FGD4: variants seen among roughly 807,000 people sequenced by gnomAD.
The protein encoded by FGD4 is FYVE, RhoGEF and PH domain-containing protein 4.
In FGD4, 42 loss-of-function variants were observed where a neutral mutation model predicts 102.0. The ratio of observed to expected loss-of-function variants is 0.41; its 90% CI spans 0.32 to 0.53. The LOEUF is 0.53. FGD4 is among the 20% of genes least tolerant of loss of function. The probability of loss-of-function intolerance (pLI) is 0.21; values close to 1 mark genes in which losing one functional copy is unlikely to be tolerated. For synonymous variants in FGD4, 380 were observed against 375.7 expected, an observed-to-expected ratio of 1.01 and a Z score of -0.13; for missense variants, 902 against 1,078.2, an observed-to-expected ratio of 0.84 and a Z score of 2.29.
intron 1 of FGD4, among the ~76,000 whole-genome samples, chr12:32,478,044 A>G (rs1409365185): frequency 6.6e-6 from 1 of 152,202 alleles, no homozygotes. Flanking sequence ...TGTTTAGAAA[A>G]AAAATATCAA....
chr12:32,572,494 T>C (rs1945754635), intron 2 of FGD4, among the ~76,000 whole-genome samples: 1 of 152,104 alleles, frequency 6.6e-6, no homozygotes, highest in African/African-American at 2.4e-5. Flanking sequence ...GGGAAAAAAA[T>C]CTAAATAAAT....
rs375196207 is a variant in FGD4 at position 32,524,257 on chromosome 12, G to A, written c.167-39880G>A. ...TAAAAATACAAAAAATTAGTCGGGCGTGGTGGCGTCAGTCCGTAGTCCCAG... is the reference window on the plus strand; with the variant it reads ...TAAAAATACAAAAAATTAGTCGGGCATGGTGGCGTCAGTCCGTAGTCCCAG... On this transcript the variant is annotated intron_variant, in intron 1 of 16. Transcript: ENST00000534526. Among the ~76,000 whole-genome samples the A allele has an allele frequency of 1.2e-4, 18 of 151,590 alleles. No homozygotes were observed. In the East Asian group the frequency reaches 3.4e-3, roughly 28 times the overall value.
chr12:32,474,309 A>G (rs1203541821), intron 1 of FGD4, among the ~76,000 whole-genome samples: 1 of 152,238 alleles, frequency 6.6e-6, no homozygotes, highest in African/African-American at 2.4e-5. Context: ...ATGAATGTTT[A>G]TAGTTGCAAT....
chr12:32,581,402 G>T (rs1420837598), intron 3 of FGD4, among the ~76,000 whole-genome samples: 1 of 152,092 alleles, frequency 6.6e-6, no homozygotes, highest in Admixed American at 6.5e-5. Flanking sequence ...GATCAGAGTG[G>T]AAACAAAGAG....
At chr12:32,400,653 T>C (rs1940623289) in intron 1 of FGD4, among the ~76,000 whole-genome samples, 1 of 152,150 alleles carries the variant, frequency 6.6e-6, no homozygotes, top group African/African-American at 2.4e-5. Context: ...TGTTCTCTTC[T>C]CCCCAGGCGA....
chr12:32,452,546 T>C (rs1011136630), intron 1 of FGD4, among the ~76,000 whole-genome samples: 2 of 152,248 alleles, frequency 1.3e-5, no homozygotes, highest in Non-Finnish European at 2.9e-5. Context: ...TACAACTGGC[T>C]GAATTGGTTA....
chr12:32,498,033 C>T (rs1372865105), intron 1 of FGD4, among the ~76,000 whole-genome samples: 1 of 152,098 alleles, frequency 6.6e-6, no homozygotes, highest in African/African-American at 2.4e-5. Flanking sequence ...AGCACAGGAC[C>T]AGACAGAGTA....
chr12:32,456,880 T>G (rs1942961268), intron 1 of FGD4, among the ~76,000 whole-genome samples: 3 of 152,210 alleles, frequency 2.0e-5, no homozygotes, highest in African/African-American at 4.8e-5. Flanking sequence ...TCTCCCCTTT[T>G]GTATTTGAAA....
intron 1 of FGD4, among the ~76,000 whole-genome samples, chr12:32,527,330 CAG>C (rs1330422219): frequency 6.6e-6 from 1 of 152,188 alleles, no homozygotes; most frequent in African/African-American, 2.4e-5. Flanking sequence ...GGAATGCTGA[CAG>C]AAGCAGTGAG....
Position 32,437,697 on chromosome 12 carries a change from C to A in FGD4, c.166+37738C>A, listed in dbSNP as rs149841912. 2.9e-3 allele frequency among the ~76,000 whole-genome samples: 437 copies of A among 151,582 alleles called. 4 individuals carry two copies. Among genetic ancestry groups the A allele is most frequent in the African/African-American group, 0.01 (424 of 40,872 alleles). On this transcript the variant is annotated intron_variant, in intron 1 of 16. Coordinates refer to ENST00000534526, the MANE Select transcript of FGD4 (RefSeq NM_001370298.3). ...TGGATGGTTTGCATTTGACCAGTGT[C>A]TTTTCATTTTTAGTAAAAGCAAAAT...
At chr12:32,446,116 T>G (rs373453629) in intron 1 of FGD4, among the ~76,000 whole-genome samples, 1 of 152,210 alleles carries the variant, frequency 6.6e-6, no homozygotes, top group Non-Finnish European at 1.5e-5. Context: ...ATCAGGCGAC[T>G]GCACTCCAGC....
intron 4 of FGD4, among the ~76,000 whole-genome samples, chr12:32,585,250 A>G (rs1946927337): frequency 7.3e-6 from 1 of 137,760 alleles, no homozygotes; most frequent in East Asian, 2.0e-4. Context: ...ATATATATAT[A>G]TATATATGTA....
chr12:32,519,121 A>G lies in FGD4; in HGVS notation c.167-45016A>G, dbSNP rs76017170. Reference sequence around the variant, plus strand: ...ACAAAAGCAAAACTCCGTCTCAGGAAAAAAAAAAAAAAAAAAAAAAAGCCT... The same window carrying G: ...ACAAAAGCAAAACTCCGTCTCAGGAGAAAAAAAAAAAAAAAAAAAAAGCCT... On this transcript the variant is annotated intron_variant, in intron 1 of 16. Transcript: ENST00000534526. Among the ~76,000 whole-genome samples the G allele has an allele frequency of 8.5e-3, 1,109 of 130,408 alleles. 9 individuals carry two copies. The highest frequency in any genetic ancestry group is 0.033 in the Middle Eastern group (9 of 272). The allele number at this position is 130,408 out of a possible 152,430, so 85.6% of individuals were successfully genotyped here.
At chr12:32,563,027 C>T (rs1441956873) in intron 1 of FGD4, among the ~76,000 whole-genome samples, 5 of 150,206 alleles carry the variant, frequency 3.3e-5, no homozygotes, top group South Asian at 2.1e-4. Context: ...GACGGGGCGG[C>T]TGGCCGGGCG....
At chr12:32,505,757 T>C (rs1015816514) in intron 1 of FGD4, among the ~76,000 whole-genome samples, 3 of 152,212 alleles carry the variant, frequency 2.0e-5, no homozygotes, top group African/African-American at 7.2e-5. Context: ...GTAACAAACC[T>C]GTTGAATTTA....
chr12:32,433,310 A>G (rs1329933741), intron 1 of FGD4, among the ~76,000 whole-genome samples: 1 of 151,848 alleles, frequency 6.6e-6, no homozygotes, highest in Non-Finnish European at 1.5e-5. Flanking sequence ...ACTTTAACAT[A>G]AATTTCCTTG....
Position 32,610,822 on chromosome 12 carries a change from A to G in FGD4, c.1590A>G (p.Ala530=). 1 of 1,613,746 alleles carries G rather than the reference A, an allele frequency of 6.2e-7. No homozygotes were observed. The highest frequency in any genetic ancestry group is 8.5e-7 in the Non-Finnish European group (1 of 1,179,856). ...CAGCAGCAAGCCATTCTAATAGTGCAATAAGGAAAATGGTAAGTGGTTTTC... is the reference window on the plus strand; with the variant it reads ...CAGCAGCAAGCCATTCTAATAGTGCGATAAGGAAAATGGTAAGTGGTTTTC... ...ISTAASHSNS[A]IRKMENLKKL... Residue 530 remains alanine (A), a synonymous_variant, in exon 9 of 17, where the codon GCA becomes GCG. Coordinates refer to ENST00000534526, the MANE Select transcript of FGD4 (RefSeq NM_001370298.3).
At chr12:32,495,132 C>A (rs1394586359) in intron 1 of FGD4, among the ~76,000 whole-genome samples, 1 of 152,050 alleles carries the variant, frequency 6.6e-6, no homozygotes, top group Non-Finnish European at 1.5e-5. Context: ...AAAGAGGTTT[C>A]ACCTGCATGA....
intron 4 of FGD4, among the ~76,000 whole-genome samples, chr12:32,584,169 T>G (rs990479390): frequency 1.3e-4 from 20 of 152,204 alleles, no homozygotes; most frequent in African/African-American, 4.8e-4. Flanking sequence ...GGATGGCACA[T>G]GCTGTATGTG....
Sources: gnomAD v4.1 joint callset for allele counts (sites outside exome capture counted in the v4.1 genomes callset) on GRCh38, gnomAD v4.1.1 for gene constraint, MANE v1.5 for transcripts, NCBI Gene and HGNC (gene_info 2026-07-23, HGNC 2026-07-21) for gene names.